Variants in NFKBIE observed in about 807,000 individuals in gnomAD.
NFKBIE encodes NFKB inhibitor epsilon.
NFKBIE carries 11 observed loss-of-function variants against 31.6 expected under a neutral mutation model. The ratio of observed to expected loss-of-function variants is 0.35; its 90% CI spans 0.22 to 0.58. The LOEUF (loss-of-function observed/expected upper bound fraction) is 0.58. NFKBIE is among the 20% of genes least tolerant of loss of function. The pLI, the probability that NFKBIE is intolerant of heterozygous loss-of-function variation, is 0.83. For synonymous variants in NFKBIE, 208 were observed against 210.1 expected, an observed-to-expected ratio of 0.99 and a Z score of 0.09; for missense variants, 354 against 465.7, an observed-to-expected ratio of 0.76 and a Z score of 2.21.
At chr6:44,259,339 G>A (rs1253223170) in intron 5 of NFKBIE, 55 bp from the exon 6 acceptor site, 7 of 1,415,014 alleles carry the variant, frequency 4.9e-6, no homozygotes, top group African/African-American at 1.4e-5. Context: ...AAGGTGACTT[G>A]GGAAAGGGGA....
rs142176529 is a variant in NFKBIE, at chr6:44,264,148, C to T, written c.365+834G>A. On this transcript the variant is annotated intron_variant, in intron 1 of 5. Coordinates refer to ENST00000619360, the MANE Select transcript of NFKBIE (RefSeq NM_004556.3). ...CCCTTGACCAGGGATTCCAGCCCTC[C>T]CCAACTCTATTTCTCATCCCCAGTT... Among the ~76,000 whole-genome samples, 4 of 152,324 alleles carry T rather than the reference C, an allele frequency of 2.6e-5. No homozygotes were observed. In the East Asian group the frequency reaches 7.7e-4, roughly 29 times the overall value.
rs944991502 is a variant in NFKBIE, at chr6:44,263,396, G to A, written c.366-734C>T. Among the ~76,000 whole-genome samples, 2 of 152,194 alleles carry A rather than the reference G, an allele frequency of 1.3e-5. No homozygotes were observed. Among genetic ancestry groups the A allele is most frequent in the African/African-American group, 4.8e-5 (2 of 41,452 alleles). The stretch of plus-strand genomic sequence containing the variant: ...CCAGTCTTGGGGTTTCCCCACGTCA[G>A]GTGGGGAAAACGAAAGCCAGTGATG... On this transcript the variant is annotated intron_variant, in intron 1 of 5. Coordinates refer to ENST00000619360, the MANE Select transcript of NFKBIE (RefSeq NM_004556.3). The surrounding 1 kb of genome is among the most constrained non-coding windows in gnomAD (Gnocchi z 5.0).
chr6:44,261,502 G>A lies in NFKBIE; in HGVS notation c.691+124C>T. 2 of 876,232 alleles carry A rather than the reference G, an allele frequency of 2.3e-6. No homozygotes were observed. The highest frequency in any genetic ancestry group is 3.6e-6 in the Non-Finnish European group (2 of 561,866). 54.3% of individuals were successfully genotyped at this position (876,232 alleles called of 1,614,324 possible). On this transcript the variant is annotated intron_variant, in intron 3 of 5. Coordinates refer to ENST00000619360, the MANE Select transcript of NFKBIE (RefSeq NM_004556.3). The surrounding 1 kb of genome is among the most constrained non-coding windows in gnomAD (Gnocchi z 4.3). ...GCAAAGATGTACTGAATATCTATGTGCTTACAGTGGGAGGGGCACCAATGG... is the reference window on the plus strand; with the variant it reads ...GCAAAGATGTACTGAATATCTATGTACTTACAGTGGGAGGGGCACCAATGG...
Position 44,259,304 on chromosome 6 carries a change from GAAGC to G in NFKBIE, c.1021-24_1021-21del. The G allele has an allele frequency of 6.3e-7, 1 of 1,593,326 alleles. No individual in the cohort carries two copies. ...AAGGGACTGAGAAGGAGAATGGAGA[GAAGC>G]AAGATCAGAGGACATGGGAAAAGGT... On this transcript the variant is annotated intron_variant, in intron 5 of 5. Coordinates refer to ENST00000619360, the MANE Select transcript of NFKBIE (RefSeq NM_004556.3).
rs1781871030 is a variant in NFKBIE at position 44,260,826 on chromosome 6, A to ACAC, written c.692-288_692-287insGTG. Among the ~76,000 whole-genome samples, 1 of 119,122 alleles carries ACAC rather than the reference A, an allele frequency of 8.4e-6. No individual in the cohort carries two copies. Among genetic ancestry groups the ACAC allele is most frequent in the Non-Finnish European group, 1.8e-5 (1 of 55,684 alleles). The allele number at this position is 119,122 out of a possible 152,430, so 78.1% of individuals were successfully genotyped here. A position where few individuals can be genotyped will look rare whatever the true frequency, so the allele number is the denominator to read the frequency against. Reference sequence around the variant, plus strand: ...CACCCTCCTCCTATACACAAACTACAACACACACACACACACACACACACA... The same window carrying ACAC: ...CACCCTCCTCCTATACACAAACTACACACACACACACACACACACACACACACA... On this transcript the variant is annotated intron_variant, in intron 3 of 5. Transcript: ENST00000619360. The surrounding 1 kb of genome is among the most constrained non-coding windows in gnomAD (Gnocchi z 5.5).
Position 44,261,912 on chromosome 6 carries a change from T to TC in NFKBIE, c.469-65_469-64insG. ...ATGCTCCCACCTCTGGGAACATGCT[T>TC]GGGCTCAAGAATCACCAGCTGCCAG... On this transcript the variant is annotated intron_variant, in intron 2 of 5. Transcript: ENST00000619360. This position sits in a 1 kb window ranked among gnomAD's most constrained non-coding sequence, Gnocchi z 4.3. The TC allele has an allele frequency of 6.9e-7, 1 of 1,444,524 alleles. No individual in the cohort carries two copies. Among genetic ancestry groups the TC allele is most frequent in the East Asian group, 2.4e-5 (1 of 41,004 alleles). 89.5% of individuals were successfully genotyped at this position (1,444,524 alleles called of 1,614,324 possible).
At chr6:44,259,924 G>A (rs1346148397) in intron 5 of NFKBIE, 119 bp downstream of exon 5, 4 of 1,417,808 alleles carry the variant, frequency 2.8e-6, no homozygotes, top group Non-Finnish European at 2.8e-6. Flanking sequence ...CAGTTGGTCA[G>A]TGGCAGAGTC....
Position 44,265,263 on chromosome 6 carries a change from GGAGCGCAGA to G in NFKBIE, c.75_83del (p.Arg27_Leu29del), listed in dbSNP as rs1279580254. On this transcript the variant is annotated inframe_deletion, in exon 1 of 6. Coordinates refer to ENST00000619360, the MANE Select transcript of NFKBIE (RefSeq NM_004556.3). ...CTGGAGCCGAGGTGGACTCGGGTAGGGAGCGCAGAGAGCGCAGAGACTCAATGCCAGAGT... is the reference window on the plus strand; with the variant it reads ...CTGGAGCCGAGGTGGACTCGGGTAGGGAGCGCAGAGACTCAATGCCAGAGT... The G allele has an allele frequency of 1.9e-6, 3 of 1,552,208 alleles. No homozygotes were observed. The highest frequency in any genetic ancestry group is 8.7e-7 in the Non-Finnish European group (1 of 1,147,966).
rs1490197897 is a variant in NFKBIE, at chr6:44,260,339, G to T, written c.781-57C>A. 1.2e-6 allele frequency: 2 copies of T among 1,608,696 alleles called. No homozygotes were observed. Among genetic ancestry groups the T allele is most frequent in the African/African-American group, 2.7e-5 (2 of 74,860 alleles). On this transcript the variant is annotated intron_variant, in intron 4 of 5. Coordinates refer to ENST00000619360, the MANE Select transcript of NFKBIE (RefSeq NM_004556.3). The surrounding 1 kb of genome is among the most constrained non-coding windows in gnomAD (Gnocchi z 5.5). ...CTCAGAGGCAGTGTGCTGGGCCTGG[G>T]CTCTGGATAAGGAAGTGAATGCCAC...
chr6:44,262,803 AG>A (rs1029182351), intron 1 of NFKBIE, 141 bp from the exon 2 acceptor site: 2 of 631,914 alleles, frequency 3.2e-6, no homozygotes, highest in African/African-American at 1.9e-5. Flanking sequence ...TGGGCCAGGA[AG>A]TGAGGGTTGG....
At position 44,261,537 on chromosome 6, in the gene NFKBIE, G is replaced by T; in HGVS notation, c.691+89C>A. On this transcript the variant is annotated intron_variant, in intron 3 of 5. Transcript: ENST00000619360. The surrounding 1 kb of genome is among the most constrained non-coding windows in gnomAD (Gnocchi z 4.3). ...GGAGGGGCACCAATGGACAAGCTGG[G>T]ACCCTCCCTTCCCCAAGAGTGAGGT... 7.2e-7 allele frequency: 1 copy of T among 1,393,654 alleles called. No individual in the cohort carries two copies. The highest frequency in any genetic ancestry group is 1.0e-6 in the Non-Finnish European group (1 of 1,002,318). 86.3% of individuals were successfully genotyped at this position (1,393,654 alleles called of 1,614,324 possible). A position where few individuals can be genotyped will look rare whatever the true frequency, so the allele number is the denominator to read the frequency against.
Position 44,259,176 on chromosome 6 carries a change from G to C in NFKBIE, c.*43C>G. The C allele has an allele frequency of 6.2e-7, 1 of 1,607,786 alleles. No individual in the cohort carries two copies. Among genetic ancestry groups the C allele is most frequent in the Non-Finnish European group, 8.5e-7 (1 of 1,174,944 alleles). On this transcript the variant is annotated 3_prime_UTR_variant, in exon 6 of 6. Coordinates refer to ENST00000619360, the MANE Select transcript of NFKBIE (RefSeq NM_004556.3). The stretch of plus-strand genomic sequence containing the variant: ...GCAGCAGTTATGGCTCCGGCTTCCA[G>C]ATGGAGAGGTGGAGCCCTGAGGATC...
At chr6:44,259,901 G>A in intron 5 of NFKBIE, 142 bp downstream of exon 5, 2 of 1,289,422 alleles carry the variant, frequency 1.6e-6, no homozygotes, top group Non-Finnish European at 2.1e-6. Context: ...AAGGAAACAG[G>A]CTCAAGTTCC....
At position 44,260,273 on chromosome 6, in the gene NFKBIE, T is replaced by C; in HGVS notation, c.790A>G (p.Ser264Gly). The stretch of plus-strand genomic sequence containing the variant: ...GCCAGGTGCAGCGCTGTCTTACCAC[T>C]GGTGCCCTCCTGGGGAGGAATAAGG... ...GADIDVQEGT[S>G]GKTALHLAVE... The change falls in exon 5 of 6, where the codon AGT (serine) becomes GGT (glycine). Residue 264 changes from serine to glycine, a missense_variant. By Grantham distance (56) the Ser-to-Gly change is moderately conservative. Around this residue, in one of 2 missense-constraint regions of NFKBIE, gnomAD observed 183 missense variants for 310.6 expected, o/e 0.59. Transcript: ENST00000619360. This position sits in a 1 kb window ranked among gnomAD's most constrained non-coding sequence, Gnocchi z 5.5. 1 of 1,609,476 alleles carries C rather than the reference T, an allele frequency of 6.2e-7. No homozygotes were observed. The highest frequency in any genetic ancestry group is 8.5e-7 in the Non-Finnish European group (1 of 1,176,136).
In NFKBIE at chr6:44,261,886, C is replaced by G. The variant is rs1448795575; in HGVS notation, c.469-38G>C. 1.3e-6 allele frequency: 2 copies of G among 1,552,676 alleles called. No individual in the cohort carries two copies. The highest frequency in any genetic ancestry group is 1.7e-6 in the Non-Finnish European group (2 of 1,143,526). Reference sequence around the variant, plus strand: ...ATAGAGGGTCATGGGGCCACTGCAGCATGCTCCCACCTCTGGGAACATGCT... The same window carrying G: ...ATAGAGGGTCATGGGGCCACTGCAGGATGCTCCCACCTCTGGGAACATGCT... On this transcript the variant is annotated intron_variant, in intron 2 of 5. Transcript: ENST00000619360. The surrounding 1 kb of genome is among the most constrained non-coding windows in gnomAD (Gnocchi z 4.3).
Position 44,265,058 on chromosome 6 carries a change from G to A in NFKBIE, c.289C>T (p.Leu97=), listed in dbSNP as rs1782069425. 5 of 1,576,408 alleles carry A rather than the reference G, an allele frequency of 3.2e-6. No homozygotes were observed. The highest frequency in any genetic ancestry group is 1.2e-5 in the South Asian group (1 of 85,922). ...AGCGCCCCCACGTGGGGGAGTGGCA[G>A]GCGTGGGGCCGGGTCCTCAGCCTCG... ...GPEAEDPAPR[L]PLPHVGALSP... The change falls in exon 1 of 6, where the codon CTG becomes TTG. Residue 97 remains leucine (L), a synonymous_variant. Coordinates refer to ENST00000619360, the MANE Select transcript of NFKBIE (RefSeq NM_004556.3).
chr6:44,261,543 C>T lies in NFKBIE; in HGVS notation c.691+83G>A, dbSNP rs1439127762. ...GCACCAATGGACAAGCTGGGACCCT[C>T]CCTTCCCCAAGAGTGAGGTCCCTAT... On this transcript the variant is annotated intron_variant, in intron 3 of 5. Coordinates refer to ENST00000619360, the MANE Select transcript of NFKBIE (RefSeq NM_004556.3). This position sits in a 1 kb window ranked among gnomAD's most constrained non-coding sequence, Gnocchi z 4.3. The T allele has an allele frequency of 1.4e-6, 2 of 1,446,192 alleles. No homozygotes were observed. The highest frequency in any genetic ancestry group is 9.6e-7 in the Non-Finnish European group (1 of 1,046,336). The allele number at this position is 1,446,192 out of a possible 1,614,324, so 89.6% of individuals were successfully genotyped here. A position where few individuals can be genotyped will look rare whatever the true frequency, so the allele number is the denominator to read the frequency against.
rs1262949850 is a variant in NFKBIE, at chr6:44,260,523, G to A, written c.708C>T (p.His236=). 5 of 1,614,004 alleles carry A rather than the reference G, an allele frequency of 3.1e-6. No individual in the cohort carries two copies. Among genetic ancestry groups the A allele is most frequent in the Admixed American group, 3.3e-5 (2 of 60,000 alleles). Residue 236 remains histidine, a synonymous_variant, in exon 4 of 6, where the codon CAC becomes CAT. Coordinates refer to ENST00000619360, the MANE Select transcript of NFKBIE (RefSeq NM_004556.3). This position sits in a 1 kb window ranked among gnomAD's most constrained non-coding sequence, Gnocchi z 5.5. ...LQNWQGLACL[H]IATLQKNQPL... ...GTTGGTTCTTCTGAAGGGTGGCAATGTGGAGACAAGCCAGACCTGGGATGG... is the reference window on the plus strand; with the variant it reads ...GTTGGTTCTTCTGAAGGGTGGCAATATGGAGACAAGCCAGACCTGGGATGG...
Position 44,258,270 on chromosome 6 carries a change from C to T in NFKBIE, c.*949G>A, listed in dbSNP as rs1012011112. 2 of 152,248 alleles carry T rather than the reference C, an allele frequency of 1.3e-5. No individual in the cohort carries two copies. Among genetic ancestry groups the T allele is most frequent in the Non-Finnish European group, 2.9e-5 (2 of 68,056 alleles). The allele number at this position is 152,248 out of a possible 1,614,324, so 9.4% of individuals were successfully genotyped here. On this transcript the variant is annotated 3_prime_UTR_variant, in exon 6 of 6. Transcript: ENST00000619360. ...CAGAGACTGTGCTGGTTTATTGCCC[C>T]ATGCTCTTCATGCCAGCATAGGGGT...
Sources: allele counts gnomAD v4.1 joint callset (sites outside exome capture counted in the v4.1 genomes callset), GRCh38; gene constraint gnomAD v4.1.1; regional missense constraint gnomAD v4.1.1; non-coding constraint Gnocchi (gnomAD v3.1); transcripts MANE v1.5; gene names NCBI Gene and HGNC (gene_info 2026-07-23, HGNC 2026-07-21).